Variants in CDK9 observed in about 807,000 individuals in gnomAD.
The protein encoded by CDK9 is cyclin-dependent kinase 9.
A neutral mutation model predicts 39.0 loss-of-function variants in CDK9; 34 were observed. That is an observed-to-expected ratio of 0.87 (90% CI 0.66 to 1.16). CDK9 has a LOEUF of 1.16. Ranked by LOEUF, CDK9 falls within the 50% of genes most tolerant of loss-of-function variation. CDK9 has a pLI of 0.00. For synonymous variants in CDK9, 233 were observed against 196.2 expected (o/e 1.19, Z -1.57); for missense variants, 369 against 503.2 (o/e 0.73, Z 2.55).
In CDK9 at chr9:127,787,982, C is replaced by T. The variant is rs756987735; in HGVS notation, c.301C>T (p.Leu101=). The change falls in exon 4 of 7, where the codon CTG becomes TTG. Residue 101 remains leucine, a synonymous_variant. Transcript: ENST00000373264. The part of the protein sequence containing the change: ...PYNRCKGSIY[L]VFDFCEHDLA... Reference sequence around the variant, plus strand: ...TAACCGCTGCAAGGGTAGTATATACCTGGTGTTCGACTTCTGCGAGCATGA... The same window carrying T: ...TAACCGCTGCAAGGGTAGTATATACTTGGTGTTCGACTTCTGCGAGCATGA... The T allele has an allele frequency of 6.8e-6, 11 of 1,614,050 alleles. No homozygotes were observed. Among genetic ancestry groups the T allele is most frequent in the Non-Finnish European group, 9.3e-6 (11 of 1,180,048 alleles).
intron 2 of CDK9, 89 bp downstream of exon 2, chr9:127,786,871 G>A: frequency 1.1e-5 from 11 of 1,029,096 alleles, no homozygotes; most frequent in South Asian, 2.9e-5. Context: ...GGAGTCTCAG[G>A]TTGAGATTTA....
intron 3 of CDK9, 95 bp from the exon 4 acceptor site, chr9:127,787,852 G>A: frequency 2.3e-6 from 3 of 1,311,888 alleles, no homozygotes; most frequent in Admixed American, 1.7e-5. Context: ...GGGCATGGGT[G>A]CCCGTGGGTT....
At position 127,789,074 on chromosome 9, in the gene CDK9, T is replaced by G. The variant is rs1178316787; in HGVS notation, c.754-104T>G. On this transcript the variant is annotated intron_variant, in intron 6 of 6. Transcript: ENST00000373264. The surrounding 1 kb of genome is among the most constrained non-coding windows in gnomAD (Gnocchi z 5.2). ...GGGGTCGAGTAGCAGTCTGGGAGCC[T>G]CCGAGTGGAGCAGGTATTTTAGTCC... 8 of 1,421,680 alleles carry G rather than the reference T, an allele frequency of 5.6e-6. No individual in the cohort carries two copies. The highest frequency in any genetic ancestry group is 7.5e-6 in the Non-Finnish European group (8 of 1,064,148). The allele number at this position is 1,421,680 out of a possible 1,614,324, so 88.1% of individuals were successfully genotyped here.
Position 127,786,064 on chromosome 9 carries a change from G to T in CDK9, c.-85G>T, listed in dbSNP as rs1285128911. The T allele has an allele frequency of 2.0e-6, 2 of 979,544 alleles. No homozygotes were observed. The highest frequency in any genetic ancestry group is 1.5e-5 in the South Asian group (1 of 65,128). 60.7% of individuals were successfully genotyped at this position (979,544 alleles called of 1,614,324 possible). A position where few individuals can be genotyped will look rare whatever the true frequency, so the allele number is the denominator to read the frequency against. ...GGCGGAAGTGGCGCGGCCGCGGAGG[G>T]GCCTGGAGTGCGGCGGCGGCGGGAC... On this transcript the variant is annotated 5_prime_UTR_variant, in exon 1 of 7. Transcript: ENST00000373264.
intron 5 of CDK9, 70 bp downstream of exon 5, chr9:127,788,455 C>T: frequency 6.5e-7 from 1 of 1,550,360 alleles, no homozygotes. Context: ...CCCCAACTGC[C>T]AGGGCTTCTT....
At position 127,790,205 on chromosome 9, in the gene CDK9, A is replaced by C. The variant is rs1829404159; in HGVS notation, c.*662A>C. 6.6e-6 allele frequency: 1 copy of C among 151,506 alleles called. No homozygotes were observed. The highest frequency in any genetic ancestry group is 1.5e-5 in the Non-Finnish European group (1 of 67,970). 9.4% of individuals were successfully genotyped at this position (151,506 alleles called of 1,614,324 possible). A position where few individuals can be genotyped will look rare whatever the true frequency, so the allele number is the denominator to read the frequency against. The stretch of plus-strand genomic sequence containing the variant: ...TGGGACTTGATTGTCAAGTCACTGG[A>C]GGTCTTGACTTTTTTATCTCAGTTC... On this transcript the variant is annotated 3_prime_UTR_variant, in exon 7 of 7. Transcript: ENST00000373264.
At chr9:127,787,826 A>G (rs1411759606) in intron 3 of CDK9, 121 bp from the exon 4 acceptor site, 30 of 1,100,640 alleles carry the variant, frequency 2.7e-5, no homozygotes, top group Non-Finnish European at 3.9e-5. Context: ...AGGAAGGAAC[A>G]GACAGATGCT....
At chr9:127,787,683 A>G (rs1829355535) in intron 3 of CDK9, 75 bp downstream of exon 3, 1 of 1,121,810 alleles carries the variant, frequency 8.9e-7, no homozygotes, top group Admixed American at 1.7e-5. Flanking sequence ...AACTAGGCAC[A>G]CCTAAACTGC....
chr9:127,786,828 A>G (rs779029217), intron 2 of CDK9, 46 bp downstream of exon 2: 2 of 1,565,784 alleles, frequency 1.3e-6, no homozygotes, highest in African/African-American at 2.7e-5. Context: ...ACTGCCCGGG[A>G]CCCCGGGTCG....
In CDK9 at chr9:127,786,041, C is replaced by A; in HGVS notation, c.-108C>A. The A allele has an allele frequency of 1.7e-6, 1 of 588,904 alleles. No individual in the cohort carries two copies. Among genetic ancestry groups the A allele is most frequent in the Non-Finnish European group, 2.6e-6 (1 of 388,852 alleles). The allele number at this position is 588,904 out of a possible 1,614,324, so 36.5% of individuals were successfully genotyped here. A position where few individuals can be genotyped will look rare whatever the true frequency, so the allele number is the denominator to read the frequency against. On this transcript the variant is annotated 5_prime_UTR_variant, in exon 1 of 7. Transcript: ENST00000373264. ...GCGAGGCCGGAAGTGGCCGTGGAGGCGGAAGTGGCGCGGCCGCGGAGGGGC... is the reference window on the plus strand; with the variant it reads ...GCGAGGCCGGAAGTGGCCGTGGAGGAGGAAGTGGCGCGGCCGCGGAGGGGC...
At position 127,789,327 on chromosome 9, in the gene CDK9, C is replaced by G; in HGVS notation, c.903C>G (p.Ala301=). ...LIDKLLVLDP[A]QRIDSDDALN... is the part of the protein sequence containing the mutation. ...ACAAGCTGCTGGTGCTGGACCCTGC[C>G]CAGCGCATCGACAGCGATGACGCCC... Residue 301 remains alanine (A), a synonymous_variant, in exon 7 of 7, where the codon GCC becomes GCG. Coordinates refer to ENST00000373264, the MANE Select transcript of CDK9 (RefSeq NM_001261.4). The surrounding 1 kb of genome is among the most constrained non-coding windows in gnomAD (Gnocchi z 5.2). 1 of 1,613,972 alleles carries G rather than the reference C, an allele frequency of 6.2e-7. No individual in the cohort carries two copies. The highest frequency in any genetic ancestry group is 8.5e-7 in the Non-Finnish European group (1 of 1,180,036).
chr9:127,788,367 C>T lies in CDK9; in HGVS notation c.586C>T (p.Pro196Ser). ...CCGTGTGGTGACACTCTGGTACCGG[C>T]CCCCGGAGCTGTTGCTCGGTGAGGA... ...TNRVVTLWYR[P>S]PELLLGERDY... Residue 196 changes from proline to serine, a missense_variant, in exon 5 of 7, where the codon CCC (proline) becomes TCC (serine). Coordinates refer to ENST00000373264, the MANE Select transcript of CDK9 (RefSeq NM_001261.4). 2 of 1,612,280 alleles carry T rather than the reference C, an allele frequency of 1.2e-6. No homozygotes were observed. The highest frequency in any genetic ancestry group is 1.7e-6 in the Non-Finnish European group (2 of 1,179,758).
In CDK9 at chr9:127,788,083, T is replaced by C. The variant is rs1332038463; in HGVS notation, c.402T>C (p.Leu134=). The part of the protein sequence containing the change: ...SEIKRVMQML[L]NGLYYIHRNK... ...TCAAGAGGGTGATGCAGATGCTGCT[T>C]AACGGCCTCTACTACATCCACAGAA... The change falls in exon 4 of 7, where the codon CTT becomes CTC. Residue 134 remains leucine (L), a synonymous_variant. Transcript: ENST00000373264. 2 of 1,614,084 alleles carry C rather than the reference T, an allele frequency of 1.2e-6. No individual in the cohort carries two copies. The highest frequency in any genetic ancestry group is 1.7e-5 in the Admixed American group (1 of 59,998).
At chr9:127,786,277 C>T in intron 1 of CDK9, 37 bp downstream of exon 1, 1 of 1,542,686 alleles carries the variant, frequency 6.5e-7, no homozygotes, top group Non-Finnish European at 8.9e-7. Context: ...AGCCCTGGGC[C>T]TGCACCCCTA....
At position 127,786,135 on chromosome 9, in the gene CDK9, C is replaced by A; in HGVS notation, c.-14C>A. ...GCAGCGACTGGGGGCGGCGGCGGCGCGTTGGAGGCGGCCATGGCAAAGCAG... is the reference window on the plus strand; with the variant it reads ...GCAGCGACTGGGGGCGGCGGCGGCGAGTTGGAGGCGGCCATGGCAAAGCAG... On this transcript the variant is annotated 5_prime_UTR_variant, in exon 1 of 7. Transcript: ENST00000373264. The A allele has an allele frequency of 6.3e-7, 1 of 1,584,704 alleles. No individual in the cohort carries two copies. Among genetic ancestry groups the A allele is most frequent in the Non-Finnish European group, 8.6e-7 (1 of 1,165,326 alleles).
At chr9:127,786,483 T>C (rs768387925) in intron 1 of CDK9, among the ~76,000 whole-genome samples, 1 of 152,096 alleles carries the variant, frequency 6.6e-6, no homozygotes, top group Non-Finnish European at 1.5e-5. Flanking sequence ...GCGGGATCTC[T>C]CCAAGGGACG....
Position 127,786,133 on chromosome 9 carries a change from C to A in CDK9, c.-16C>A, listed in dbSNP as rs760251322. 3.8e-6 allele frequency: 6 copies of A among 1,581,838 alleles called. No homozygotes were observed. Among genetic ancestry groups the A allele is most frequent in the Non-Finnish European group, 5.2e-6 (6 of 1,163,330 alleles). ...CAGCAGCGACTGGGGGCGGCGGCGG[C>A]GCGTTGGAGGCGGCCATGGCAAAGC... On this transcript the variant is annotated 5_prime_UTR_variant, in exon 1 of 7. Coordinates refer to ENST00000373264, the MANE Select transcript of CDK9 (RefSeq NM_001261.4).
rs1829307667 is a variant in CDK9, at chr9:127,786,132, G to A, written c.-17G>A. On this transcript the variant is annotated 5_prime_UTR_variant, in exon 1 of 7. Transcript: ENST00000373264. ...GCAGCAGCGACTGGGGGCGGCGGCG[G>A]CGCGTTGGAGGCGGCCATGGCAAAG... 6 of 1,583,842 alleles carry A rather than the reference G, an allele frequency of 3.8e-6. No homozygotes were observed. The highest frequency in any genetic ancestry group is 1.4e-5 in the African/African-American group (1 of 71,836).
In CDK9 at chr9:127,788,623, C is replaced by G; in HGVS notation, c.684C>G (p.Ile228Met). Residue 228 changes from isoleucine (I) to methionine (M), a missense_variant, in exon 6 of 7, where the codon ATC becomes ATG. Ile to Met is a conservative substitution (Grantham distance 10). Coordinates refer to ENST00000373264, the MANE Select transcript of CDK9 (RefSeq NM_001261.4). ...CAGAGATGTGGACCCGCAGCCCCAT[C>G]ATGCAGGGCAACACGGAGCAGCACC... ...IMAEMWTRSP[I>M]MQGNTEQHQL... The G allele has an allele frequency of 6.2e-7, 1 of 1,610,094 alleles. No homozygotes were observed. Among genetic ancestry groups the G allele is most frequent in the South Asian group, 1.1e-5 (1 of 90,158 alleles).
Sources: allele counts gnomAD v4.1 joint callset (sites outside exome capture counted in the v4.1 genomes callset), GRCh38; gene constraint gnomAD v4.1.1; non-coding constraint Gnocchi (gnomAD v3.1); transcripts MANE v1.5; gene names NCBI Gene and HGNC (gene_info 2026-07-23, HGNC 2026-07-21).